The following CCDC120 variants were observed in gnomAD, a reference collection of about 807,000 sequenced individuals.
CCDC120 encodes coiled-coil domain containing 120, also known as coiled-coil domain-containing protein 120.
Under a neutral mutation model 37.6 loss-of-function variants are expected in CCDC120, and 16 were observed. That is an observed-to-expected ratio of 0.43 (90% CI 0.29 to 0.65). CCDC120 has a LOEUF of 0.65. Ranked by LOEUF, CCDC120 falls within the 30% of genes least tolerant of loss-of-function variation. The pLI, the probability that CCDC120 is intolerant of heterozygous loss-of-function variation, is 0.18. For synonymous variants in CCDC120, 309 were observed against 275.4 expected (o/e 1.12, Z -1.21); for missense variants, 650 against 657.4 (o/e 0.99, Z 0.12).
chrX:49,067,101 G>A (rs1407185585), intron 9 of CCDC120, 75 bp from the exon 10 acceptor site: 3 of 918,847 alleles, frequency 3.3e-6, no homozygotes, highest in East Asian at 6.3e-5. Flanking sequence ...GAAAGGGCTG[G>A]GGTAGGGAGG....
upstream of CCDC120, among the ~76,000 whole-genome samples, chrX:49,058,735 C>T (rs1557078813): frequency 8.9e-6 from 1 of 112,671 alleles, no homozygotes; most frequent in Non-Finnish European, 1.9e-5. Context: ...GTTGCACAGT[C>T]TGGCCTTGAA....
In CCDC120 at chrX:49,067,433, C is replaced by G; in HGVS notation, c.1319C>G (p.Pro440Arg). The change falls in exon 10 of 11, where the codon CCT (proline) becomes CGT (arginine). Residue 440 changes from proline (P) to arginine (R), a missense_variant. Around this residue, in one of 3 missense-constraint regions of CCDC120, gnomAD observed 576 missense variants for 565.3 expected, o/e 1.02. Coordinates refer to ENST00000603986, the MANE Select transcript of CCDC120 (RefSeq NM_001163321.4). ...EVLYERPQPT[P>R]AFSSRTAGPP... is the part of the protein sequence containing the mutation. ...CTGTATGAGCGCCCCCAACCAACCC[C>G]TGCCTTCTCCTCCCGCACAGCAGGC... 8.4e-7 allele frequency: 1 copy of G among 1,193,909 alleles called. No individual in the cohort carries two copies. Among genetic ancestry groups the G allele is most frequent in the Non-Finnish European group, 1.1e-6 (1 of 887,586 alleles).
Position 49,063,996 on chromosome X carries a change from G to T in CCDC120, c.424G>T (p.Ala142Ser). ...PNQAHHSLCP[A>S]EELALEALER... Reference sequence around the variant, plus strand: ...CCAAGCACACCACTCCTTGTGCCCTGCTGAGGTGAGCAGATGGGTGTGGAG... The same window carrying T: ...CCAAGCACACCACTCCTTGTGCCCTTCTGAGGTGAGCAGATGGGTGTGGAG... The change falls in exon 5 of 11, where the codon GCT becomes TCT. Residue 142 changes from alanine to serine, a missense_variant. Transcript: ENST00000603986. 8.3e-7 allele frequency: 1 copy of T among 1,198,605 alleles called. No individual in the cohort carries two copies. The highest frequency in any genetic ancestry group is 1.1e-6 in the Non-Finnish European group (1 of 888,181).
intron 7 of CCDC120, 43 bp from the exon 8 acceptor site, chrX:49,065,411 C>G: frequency 1.0e-5 from 11 of 1,096,292 alleles, no homozygotes; most frequent in Non-Finnish European, 1.2e-5. Flanking sequence ...CCCCTCTGGG[C>G]CCCCCTCATT....
rs2064991814 is a variant in CCDC120 at position 49,069,024 on chromosome X, G to A, written c.*366G>A. The A allele has an allele frequency of 7.6e-6, 1 of 132,240 alleles. No homozygotes were observed. Among genetic ancestry groups the A allele is most frequent in the Admixed American group, 8.9e-5 (1 of 11,258 alleles). 10.9% of individuals were successfully genotyped at this position (132,240 alleles called of 1,213,427 possible). ...ATCTCATCTGGTTGGGTTCATTCCT[G>A]TTCCCATGCCCAACCAGGTTCCATT... On this transcript the variant is annotated 3_prime_UTR_variant, in exon 11 of 11. Transcript: ENST00000603986.
rs782563125 is a variant in CCDC120 at position 49,061,999 on chromosome X, G to A, written c.-43G>A. Reference sequence around the variant, plus strand: ...GTGACCCATGGGCCTCTGAGGAGGCGTTGTAAGTCCGCCCAGCTCCCCACT... The same window carrying A: ...GTGACCCATGGGCCTCTGAGGAGGCATTGTAAGTCCGCCCAGCTCCCCACT... On this transcript the variant is annotated 5_prime_UTR_variant, in exon 2 of 11. Coordinates refer to ENST00000603986, the MANE Select transcript of CCDC120 (RefSeq NM_001163321.4). 14 of 1,153,562 alleles carry A rather than the reference G, an allele frequency of 1.2e-5. No homozygotes were observed. The highest frequency in any genetic ancestry group is 9.6e-5 in the South Asian group (5 of 52,292).
At chrX:49,062,359 CCCTGCTCTGAATCACCA>C (rs1557079691) in intron 3 of CCDC120, 34 bp downstream of exon 3, 2 of 1,206,968 alleles carry the variant, frequency 1.7e-6, no homozygotes, top group African/African-American at 3.5e-5. Context: ...CTGCCTCCTC[CCCTGCTCTGAATCACCA>C]CCTGCTTGCT....
upstream of CCDC120, among the ~76,000 whole-genome samples, chrX:49,058,689 T>TA (rs1420573731): frequency 8.9e-6 from 1 of 112,535 alleles, no homozygotes; most frequent in Non-Finnish European, 1.9e-5. Context: ...TGGCCAGTTT[T>TA]AAAAAAAATT....
upstream of CCDC120, among the ~76,000 whole-genome samples, chrX:49,054,432 C>T (rs56087424): frequency 0.019 from 2,094 of 110,991 alleles, 22 homozygotes; most frequent in Non-Finnish European, 0.03. Context: ...CTCCTATATA[C>T]TCGTGATCTG....
In CCDC120 at chrX:49,067,437, C is replaced by T; in HGVS notation, c.1323C>T (p.Ala441=). 2 of 1,194,066 alleles carry T rather than the reference C, an allele frequency of 1.7e-6. No individual in the cohort carries two copies. Among genetic ancestry groups the T allele is most frequent in the Non-Finnish European group, 2.3e-6 (2 of 887,538 alleles). Residue 441 remains alanine, a synonymous_variant, in exon 10 of 11, where the codon GCC becomes GCT. Transcript: ENST00000603986. ...ATGAGCGCCCCCAACCAACCCCTGCCTTCTCCTCCCGCACAGCAGGCCCCC... is the reference window on the plus strand; with the variant it reads ...ATGAGCGCCCCCAACCAACCCCTGCTTTCTCCTCCCGCACAGCAGGCCCCC... The part of the protein sequence containing the change: ...VLYERPQPTP[A]FSSRTAGPPD...
At chrX:49,062,850 G>A (rs1015313269) in intron 4 of CCDC120, among the ~76,000 whole-genome samples, 6 of 110,831 alleles carry the variant, frequency 5.4e-5, no homozygotes, top group Admixed American at 9.5e-5. Flanking sequence ...ACCTGAGGTC[G>A]GGAGTTCCAG....
upstream of CCDC120, among the ~76,000 whole-genome samples, chrX:49,056,410 C>T (rs782116896): frequency 2.7e-5 from 3 of 109,721 alleles, no homozygotes; most frequent in East Asian, 2.9e-4. Flanking sequence ...GGGTGGATCA[C>T]GAGGTCAGGA....
intron 1 of CCDC120, 151 bp downstream of exon 1, chrX:49,059,246 A>AG (rs1366574443): frequency 2.6e-4 from 116 of 447,109 alleles, no homozygotes; most frequent in Non-Finnish European, 3.1e-4. Flanking sequence ...GTGGGGGGGT[A>AG]GGGGGGCAGT....
At chrX:49,064,118 A>C in intron 5 of CCDC120, 117 bp downstream of exon 5, 1 of 975,531 alleles carries the variant, frequency 1.0e-6, no homozygotes, top group Middle Eastern at 3.1e-4. Flanking sequence ...GGCTAAGATG[A>C]GAAGGAAAAG....
chrX:49,060,427 CAAAAA>C lies in CCDC120; in HGVS notation c.-84+1356_-84+1360del, dbSNP rs58827125. Among the ~76,000 whole-genome samples, 34 of 42,130 alleles carry C rather than the reference CAAAAA, an allele frequency of 8.1e-4. No homozygotes were observed. The East Asian group carries it at 0.015, about 19-fold the overall frequency. The allele number at this position is 42,130 out of a possible 115,157, so 36.6% of individuals were successfully genotyped here. Reference sequence around the variant, plus strand: ...AAGTGACAGAGCCAGGCCCTATCTCCAAAAAAAAAAAAAAAAAAAAAAAAAAAAGA... The same window carrying C: ...AAGTGACAGAGCCAGGCCCTATCTCCAAAAAAAAAAAAAAAAAAAAAAAGA... On this transcript the variant is annotated intron_variant, in intron 1 of 10. Coordinates refer to ENST00000603986, the MANE Select transcript of CCDC120 (RefSeq NM_001163321.4).
rs1246429855 is a variant in CCDC120 at position 49,064,580 on chromosome X, C to T, written c.640C>T (p.Pro214Ser). Residue 214 changes from proline (P) to serine (S), a missense_variant, in exon 6 of 11, where the codon CCC becomes TCC. Physicochemically the swap from Pro to Ser is moderately conservative, Grantham distance 74. Transcript: ENST00000603986. ...CCTTGGCCTCCCAGTGCTCCCGCTG[C>T]CCCAGCCACTGCCACTGTCCACGGG... is the stretch of plus-strand genomic sequence containing the variant. ...ARLGLPVLPL[P>S]QPLPLSTGSV... The T allele has an allele frequency of 7.6e-6, 9 of 1,184,334 alleles. No homozygotes were observed. The highest frequency in any genetic ancestry group is 1.0e-5 in the Non-Finnish European group (9 of 881,604).
At position 49,067,744 on chromosome X, in the gene CCDC120, C is replaced by T. The variant is rs782224346; in HGVS notation, c.1630C>T (p.Arg544Cys). The part of the protein sequence containing the change: ...PLLRTKDPHT[R>C]ATRTKPCGLP... ...CCTCCGCACCAAGGACCCCCACACCCGTGCCACCCGCACTAAGCCCTGTGG... is the reference window on the plus strand; with the variant it reads ...CCTCCGCACCAAGGACCCCCACACCTGTGCCACCCGCACTAAGCCCTGTGG... Residue 544 changes from arginine (R) to cysteine (C), a missense_variant, in exon 10 of 11, where the codon CGT (arginine) becomes TGT (cysteine). Coordinates refer to ENST00000603986, the MANE Select transcript of CCDC120 (RefSeq NM_001163321.4). 26 of 1,193,929 alleles carry T rather than the reference C, an allele frequency of 2.2e-5. No homozygotes were observed. In the South Asian group the frequency reaches 3.1e-4, roughly 14 times the overall value.
At position 49,064,437 on chromosome X, in the gene CCDC120, G is replaced by A. The variant is rs782426708; in HGVS notation, c.497G>A (p.Arg166His). 23 of 1,175,163 alleles carry A rather than the reference G, an allele frequency of 2.0e-5. No individual in the cohort carries two copies. The highest frequency in any genetic ancestry group is 3.2e-5 in the East Asian group (1 of 31,354). Residue 166 changes from arginine to histidine, a missense_variant, in exon 6 of 11, where the codon CGC becomes CAC. By Grantham distance (29) the Arg-to-His change is conservative (BLOSUM62 0). Transcript: ENST00000603986. ...VQQQIAAAAR[R>H]LALAPDLSTE... ...CAGCAGATCGCGGCGGCCGCCCGCC[G>A]CCTGGCCTTGGCCCCTGATCTGAGC...
At chrX:49,068,281 G>A in intron 10 of CCDC120, 191 bp downstream of exon 10, 1 of 1,083,019 alleles carries the variant, frequency 9.2e-7, no homozygotes, top group Non-Finnish European at 1.2e-6. Flanking sequence ...AGGGGATCTT[G>A]GGCACTGGTA....
Sources: allele counts gnomAD v4.1 joint callset (sites outside exome capture counted in the v4.1 genomes callset), GRCh38; gene constraint gnomAD v4.1.1; regional missense constraint gnomAD v4.1.1; transcripts MANE v1.5; gene names NCBI Gene and HGNC (gene_info 2026-07-23, HGNC 2026-07-21).